RUNX1: variants seen among roughly 807,000 people sequenced by gnomAD.
RUNX1 encodes the protein runt-related transcription factor 1.
A neutral mutation model predicts 42.8 loss-of-function variants in RUNX1; 19 were observed. That is an observed-to-expected ratio of 0.44 (90% CI 0.31 to 0.65). The LOEUF is 0.65. RUNX1 is among the 30% of genes least tolerant of loss of function. The probability of loss-of-function intolerance (pLI) is 0.07; values close to 1 mark genes in which losing one functional copy is unlikely to be tolerated. For missense variants in RUNX1, 528 were observed against 672.0 expected (o/e 0.79, Z 2.37); for synonymous variants, 271 against 289.4 (o/e 0.94, Z 0.64).
chr21:34,883,407 T>A (rs2146382735), intron 4 of RUNX1, among the ~76,000 whole-genome samples: 1 of 152,296 alleles, frequency 6.6e-6, no homozygotes, highest in Middle Eastern at 3.4e-3. Flanking sequence ...CGTCCAATTG[T>A]TAACAAGCAT....
chr21:34,939,245 T>A (rs2058508915), intron 2 of RUNX1, among the ~76,000 whole-genome samples: 1 of 152,334 alleles, frequency 6.6e-6, no homozygotes, highest in South Asian at 2.1e-4. Flanking sequence ...TTTGCTAGGC[T>A]CAACAGATAC....
rs1444948314 is a variant in RUNX1, at chr21:34,823,443, T to G, written c.805+10967A>C. Among the ~76,000 whole-genome samples the G allele has an allele frequency of 2.7e-4, 5 of 18,424 alleles. No homozygotes were observed. In the East Asian group the frequency reaches 0.11, roughly 395 times the overall value. The allele number at this position is 18,424 out of a possible 152,430, so 12.1% of individuals were successfully genotyped here. On this transcript the variant is annotated intron_variant, in intron 7 of 8. Coordinates refer to ENST00000675419, the MANE Select transcript of RUNX1 (RefSeq NM_001754.5). Reference sequence around the variant, plus strand: ...CATTCCTGGTGGGTTTTTTTTTTTTTTTTTTTTTTTTTTTTTTCAGATGGA... The same window carrying G: ...CATTCCTGGTGGGTTTTTTTTTTTTGTTTTTTTTTTTTTTTTTCAGATGGA...
At chr21:34,835,690 T>G (rs2057135893) in intron 6 of RUNX1, among the ~76,000 whole-genome samples, 1 of 152,182 alleles carries the variant, frequency 6.6e-6, no homozygotes, top group Non-Finnish European at 1.5e-5. Flanking sequence ...TTCCTCAGCC[T>G]TATGGTTCCA....
At chr21:35,026,488 T>C (rs1440346770) in intron 2 of RUNX1, among the ~76,000 whole-genome samples, 2 of 152,258 alleles carry the variant, frequency 1.3e-5, no homozygotes, top group African/African-American at 2.4e-5. Context: ...ACAGGCCTCA[T>C]GAGGATGTAG....
intron 7 of RUNX1, among the ~76,000 whole-genome samples, chr21:34,827,728 G>A (rs2057008595): frequency 6.6e-6 from 1 of 152,182 alleles, no homozygotes; most frequent in South Asian, 2.1e-4. Context: ...AGTGGGCCTA[G>A]GTATACCTAG....
intron 2 of RUNX1, among the ~76,000 whole-genome samples, chr21:34,991,224 C>A (rs1241282884): frequency 6.6e-6 from 1 of 152,206 alleles, no homozygotes; most frequent in Non-Finnish European, 1.5e-5. Flanking sequence ...CAGGCCCCTA[C>A]CTGCCCCTAG....
chr21:35,036,092 G>A (rs991104750), intron 2 of RUNX1, among the ~76,000 whole-genome samples: 1 of 152,160 alleles, frequency 6.6e-6, no homozygotes, highest in Non-Finnish European at 1.5e-5. Context: ...GGAGCAGGGA[G>A]CAGGTGGGCC....
At chr21:35,031,482 C>T (rs1418384904) in intron 2 of RUNX1, among the ~76,000 whole-genome samples, 1 of 152,102 alleles carries the variant, frequency 6.6e-6, no homozygotes, top group Non-Finnish European at 1.5e-5. Flanking sequence ...ATAGACTACC[C>T]TATGATCCAG....
chr21:34,997,482 C>T (rs1440565737), intron 2 of RUNX1, among the ~76,000 whole-genome samples: 1 of 152,196 alleles, frequency 6.6e-6, no homozygotes, highest in Admixed American at 6.5e-5. Context: ...TGTGGAACAC[C>T]AGATAGCCGG....
intron 7 of RUNX1, among the ~76,000 whole-genome samples, chr21:34,801,354 GC>G (rs147581858): frequency 0.033 from 5,090 of 152,154 alleles, 263 homozygotes; most frequent in African/African-American, 0.12. Flanking sequence ...AAAGTACTAT[GC>G]CATGATTCAT....
At chr21:34,903,337 TTTA>T (rs2058192267) in intron 2 of RUNX1, among the ~76,000 whole-genome samples, 1 of 152,186 alleles carries the variant, frequency 6.6e-6, no homozygotes, top group Non-Finnish European at 1.5e-5. Context: ...TACAATATAG[TTTA>T]ATTCCTATTC....
In RUNX1 at chr21:34,792,031, G is replaced by T; in HGVS notation, c.*104C>A. The T allele has an allele frequency of 1.4e-6, 1 of 728,790 alleles. No homozygotes were observed. Among genetic ancestry groups the T allele is most frequent in the Non-Finnish European group, 2.0e-6 (1 of 497,346 alleles). The allele number at this position is 728,790 out of a possible 1,614,324, so 45.1% of individuals were successfully genotyped here. A position where few individuals can be genotyped will look rare whatever the true frequency, so the allele number is the denominator to read the frequency against. On this transcript the variant is annotated 3_prime_UTR_variant, in exon 9 of 9. Transcript: ENST00000675419. This position sits in a 1 kb window ranked among gnomAD's most constrained non-coding sequence, Gnocchi z 6.9. ...CCCTCGGCCCCAGGACGGTGGCCGGGCCCAGGGCCCGGGATCCCGGCGGGC... is the reference window on the plus strand; with the variant it reads ...CCCTCGGCCCCAGGACGGTGGCCGGTCCCAGGGCCCGGGATCCCGGCGGGC...
At chr21:34,848,340 T>C (rs1416381879) in intron 6 of RUNX1, among the ~76,000 whole-genome samples, 2 of 152,250 alleles carry the variant, frequency 1.3e-5, no homozygotes, top group Non-Finnish European at 2.9e-5. Flanking sequence ...AGAGGTATCA[T>C]GCAGTCCATT....
chr21:34,937,204 G>C (rs1332221764), intron 2 of RUNX1, among the ~76,000 whole-genome samples: 1 of 148,528 alleles, frequency 6.7e-6, no homozygotes, highest in African/African-American at 2.5e-5. Context: ...AACATTCTCT[G>C]TTTAATGTCA....
rs2058235087 is a variant in RUNX1 at position 34,907,755 on chromosome 21, T to C, written c.59-14792A>G. On this transcript the variant is annotated intron_variant, in intron 2 of 8. Transcript: ENST00000675419. The surrounding 1 kb of genome is among the most constrained non-coding windows in gnomAD (Gnocchi z 5.3). ...ACAGTCATGAGAGGTGAAGGATTATTATGAAATAAAACAGAGTGAAGCTGT... is the reference window on the plus strand; with the variant it reads ...ACAGTCATGAGAGGTGAAGGATTATCATGAAATAAAACAGAGTGAAGCTGT... Among the ~76,000 whole-genome samples, 1 of 152,224 alleles carries C rather than the reference T, an allele frequency of 6.6e-6. No individual in the cohort carries two copies. The highest frequency in any genetic ancestry group is 1.5e-5 in the Non-Finnish European group (1 of 68,038).
chr21:34,857,199 G>A (rs111347746), intron 6 of RUNX1, among the ~76,000 whole-genome samples: 16 of 152,328 alleles, frequency 1.1e-4, no homozygotes, highest in African/African-American at 3.1e-4. Context: ...TGGCAGGGAA[G>A]ACTGTGTAAA....
rs1348528317 is a variant in RUNX1 at position 34,936,906 on chromosome 21, G to GA, written c.59-43944dup. On this transcript the variant is annotated intron_variant, in intron 2 of 8. Transcript: ENST00000675419. ...ACTATAATTTATGGTGGTTTAGTGG[G>GA]AAAAGGGGTTAATTTGATTTAAAAA... Among the ~76,000 whole-genome samples, 5 of 152,068 alleles carry GA rather than the reference G, an allele frequency of 3.3e-5. No homozygotes were observed. The East Asian group carries it at 7.7e-4, about 23-fold the overall frequency.
rs1486545290 is a variant in RUNX1 at position 35,049,139 on chromosome 21, C to T, written c.-60+29G>A. 2.8e-5 allele frequency: 14 copies of T among 508,918 alleles called. No homozygotes were observed. The Admixed American group carries it at 3.0e-4, about 11-fold the overall frequency. The allele number at this position is 508,918 out of a possible 1,614,324, so 31.5% of individuals were successfully genotyped here. A position where few individuals can be genotyped will look rare whatever the true frequency, so the allele number is the denominator to read the frequency against. ...TTAAAAAAAAAAAAAAAGCCAGCGC[C>T]GCCTTGGCTGTGGGTTGGTGATGCT... On this transcript the variant is annotated intron_variant, in intron 1 of 8. Coordinates refer to ENST00000675419, the MANE Select transcript of RUNX1 (RefSeq NM_001754.5).
chr21:34,841,664 C>T (rs555750910), intron 6 of RUNX1, among the ~76,000 whole-genome samples: 1 of 152,274 alleles, frequency 6.6e-6, no homozygotes, highest in African/African-American at 2.4e-5. Context: ...GTGTCACTGC[C>T]CTGGGGCCTT....
Sources: gnomAD v4.1 joint callset for allele counts (sites outside exome capture counted in the v4.1 genomes callset) on GRCh38, gnomAD v4.1.1 for gene constraint, Gnocchi (gnomAD v3.1) non-coding constraint, MANE v1.5 for transcripts, NCBI Gene and HGNC (gene_info 2026-07-23, HGNC 2026-07-21) for gene names.